The following ZNF888 variants were observed in gnomAD, a reference collection of about 807,000 sequenced individuals.
ZNF888 encodes CTD-2331H12.6.
ZNF888 carries 5 observed loss-of-function variants against 7.2 expected under a neutral mutation model. The observed-to-expected ratio is 0.70, with a 90% CI of 0.36 to 1.46. The LOEUF (loss-of-function observed/expected upper bound fraction) is 1.46, where lower values mean the gene tolerates loss of function less well. Ranked by LOEUF, ZNF888 falls within the 40% of genes most tolerant of loss-of-function variation. The pLI, the probability that ZNF888 is intolerant of heterozygous loss-of-function variation, is 0.03. For missense variants in ZNF888, 716 were observed against 858.0 expected (o/e 0.83, Z 2.07); for synonymous variants, 240 against 284.3 (o/e 0.84, Z 1.57).
intron 4 of ZNF888, among the ~76,000 whole-genome samples, chr19:52,910,564 A>C (rs1323148021): frequency 6.6e-6 from 1 of 152,202 alleles, no homozygotes; most frequent in African/African-American, 2.4e-5. Flanking sequence ...CTTGGAGAGA[A>C]TTTAGCCATG....
At chr19:52,919,929 C>T (rs1370131140) in intron 1 of ZNF888, among the ~76,000 whole-genome samples, 12 of 59,546 alleles carry the variant, frequency 2.0e-4, no homozygotes, top group South Asian at 5.0e-4. Context: ...CCGGCAGCCA[C>T]CCCGTCTGGG....
intron 4 of ZNF888, among the ~76,000 whole-genome samples, chr19:52,911,960 G>C (rs921604232): frequency 5.3e-5 from 8 of 151,406 alleles, no homozygotes; most frequent in African/African-American, 1.5e-4. Context: ...GGGACTACAG[G>C]CACCCGCCAC....
intron 4 of ZNF888, chr19:52,913,832 T>A: frequency 1.3e-6 from 1 of 764,468 alleles, no homozygotes; most frequent in Non-Finnish European, 1.6e-6. Flanking sequence ...CAAAACTATT[T>A]AAAATAATAA....
intron 2 of ZNF888, chr19:52,918,291 AC>A: frequency 1.4e-6 from 1 of 740,676 alleles, no homozygotes; most frequent in Non-Finnish European, 1.6e-6. Context: ...GAAGTTTGAG[AC>A]CAGCCTGGGC....
At chr19:52,917,960 A>C in intron 2 of ZNF888, 29 bp from the exon 3 acceptor site, 3 of 1,602,930 alleles carry the variant, frequency 1.9e-6, no homozygotes, top group Non-Finnish European at 2.5e-6. Flanking sequence ...AATGTTAGAA[A>C]TATGTTGTTT....
intron 3 of ZNF888, among the ~76,000 whole-genome samples, chr19:52,915,643 T>A (rs1266942619): frequency 1.3e-5 from 2 of 151,394 alleles, no homozygotes; most frequent in Non-Finnish European, 3.0e-5. Context: ...CCTGGCTAAT[T>A]TTTTTGTATT....
chr19:52,909,780 A>C (rs1232354927), intron 4 of ZNF888, among the ~76,000 whole-genome samples: 1 of 152,236 alleles, frequency 6.6e-6, no homozygotes, highest in Non-Finnish European at 1.5e-5. Context: ...TCTTACCACC[A>C]GTACACAACA....
rs1448570075 is a variant in ZNF888 at position 52,918,927 on chromosome 19, AGAGT to A, written c.-171_-168del. ...ACAGTGCACTCACAGCCTGGAGGAC[AGAGT>A]GAGACTCTGTTTGAAAAAAAAAAAA... On this transcript the variant is annotated 5_prime_UTR_variant, in exon 2 of 5. Coordinates refer to ENST00000638862, the MANE Select transcript of ZNF888 (RefSeq NM_001393938.1). The A allele has an allele frequency of 1.3e-5, 2 of 150,846 alleles. No homozygotes were observed. Among genetic ancestry groups the A allele is most frequent in the African/African-American group, 2.4e-5 (1 of 40,848 alleles). The allele number at this position is 150,846 out of a possible 1,614,324, so 9.3% of individuals were successfully genotyped here.
rs759592155 is a variant in ZNF888, at chr19:52,907,565, G to C, written c.757C>G (p.Gln253Glu). 1.7e-5 allele frequency: 28 copies of C among 1,609,254 alleles called. No individual in the cohort carries two copies. Among genetic ancestry groups the C allele is most frequent in the Non-Finnish European group, 2.2e-5 (26 of 1,177,996 alleles). ...KCDVCGKDFN[Q>E]KRYLAHHRRC... ...CGATGGTGTGCAAGGTATCGCTTCT[G>C]ATTAAAGTCTTTGCCACATACATCA... The change falls in exon 5 of 5, where the codon CAG becomes GAG. Residue 253 changes from glutamine to glutamate, a missense_variant. Gln to Glu is a conservative substitution (Grantham distance 29). Around this residue, in one of 2 missense-constraint regions of ZNF888, gnomAD observed 697 missense variants for 803.4 expected, o/e 0.87. Coordinates refer to ENST00000638862, the MANE Select transcript of ZNF888 (RefSeq NM_001393938.1).
intron 4 of ZNF888, among the ~76,000 whole-genome samples, chr19:52,911,904 C>T (rs1253385288): frequency 6.6e-6 from 1 of 151,686 alleles, no homozygotes; most frequent in Non-Finnish European, 1.5e-5. Context: ...GCAAGCTCTG[C>T]CTCTTGGGTT....
chr19:52,923,376 G>A lies in ZNF888; in HGVS notation c.-185C>T. On this transcript the variant is annotated 5_prime_UTR_variant, in exon 1 of 5. Transcript: ENST00000638862. Reference sequence around the variant, plus strand: ...ACACAGAGCAAAACTCACCGCCGCAGTGTGACTTCCAGTCCACGCGATCCG... The same window carrying A: ...ACACAGAGCAAAACTCACCGCCGCAATGTGACTTCCAGTCCACGCGATCCG... 1.0e-6 allele frequency: 1 copy of A among 985,832 alleles called. No individual in the cohort carries two copies. Among genetic ancestry groups the A allele is most frequent in the Non-Finnish European group, 1.2e-6 (1 of 830,026 alleles). The allele number at this position is 985,832 out of a possible 1,614,324, so 61.1% of individuals were successfully genotyped here.
intron 1 of ZNF888, 127 bp downstream of exon 1, chr19:52,923,242 T>TTGCTCTTGTTG: frequency 1.0e-6 from 1 of 957,670 alleles, no homozygotes; most frequent in African/African-American, 1.8e-5. Flanking sequence ...TAGGGGAATG[T>TTGCTCTTGTTG]CTCCATTTGC....
chr19:52,913,754 A>G, intron 4 of ZNF888: 1 of 984,430 alleles, frequency 1.0e-6, no homozygotes, highest in Non-Finnish European at 1.2e-6. Flanking sequence ...AATGGACACT[A>G]ACGTGGTTGT....
chr19:52,906,454 A>G lies in ZNF888; in HGVS notation c.1868T>C (p.Ile623Thr), dbSNP rs1161499573. 6.2e-7 allele frequency: 1 copy of G among 1,612,268 alleles called. No homozygotes were observed. The highest frequency in any genetic ancestry group is 1.3e-5 in the African/African-American group (1 of 74,604). The change falls in exon 5 of 5, where the codon ATA (isoleucine) becomes ACA (threonine). Residue 623 changes from isoleucine (I) to threonine (T), a missense_variant. Physicochemically the swap from Ile to Thr is moderately conservative, Grantham distance 89. Coordinates refer to ENST00000638862, the MANE Select transcript of ZNF888 (RefSeq NM_001393938.1). ...CTCTCCAGTATGAACTCTCCTATGTATTTCAAGGTGTGATTTGATATTGAA... is the reference window on the plus strand; with the variant it reads ...CTCTCCAGTATGAACTCTCCTATGTGTTTCAAGGTGTGATTTGATATTGAA... ...KVFNIKSHLE[I>T]HRRVHTGEKP...
Position 52,907,426 on chromosome 19 carries a change from T to C in ZNF888, c.896A>G (p.Lys299Arg). The C allele has an allele frequency of 6.2e-7, 1 of 1,611,752 alleles. No individual in the cohort carries two copies. Among genetic ancestry groups the C allele is most frequent in the Non-Finnish European group, 8.5e-7 (1 of 1,178,772 alleles). Reference sequence around the variant, plus strand: ...GAACGTCTTGCCACACTCATTACACTTGTAAGGTTTTTCTCCAGTATGACG... The same window carrying C: ...GAACGTCTTGCCACACTCATTACACCTGTAAGGTTTTTCTCCAGTATGACG... Reference protein sequence around the residue: ...YRRHTGEKPYKCNECGKTFSD... With the variant: ...YRRHTGEKPYRCNECGKTFSD... The change falls in exon 5 of 5, where the codon AAG becomes AGG. Residue 299 changes from lysine (K) to arginine (R), a missense_variant. Transcript: ENST00000638862.
rs992241009 is a variant in ZNF888, at chr19:52,905,466, C to T, written c.*699G>A. 1.6e-4 allele frequency: 26 copies of T among 164,066 alleles called. No individual in the cohort carries two copies. The South Asian group carries it at 1.7e-3, about 11-fold the overall frequency. The allele number at this position is 164,066 out of a possible 1,614,324, so 10.2% of individuals were successfully genotyped here. A position where few individuals can be genotyped will look rare whatever the true frequency, so the allele number is the denominator to read the frequency against. ...GATTAAAAAAAAAAAAAATCTGTAT[C>T]TGTTTTTGTTAAAGAAACAAAAAAC... On this transcript the variant is annotated 3_prime_UTR_variant, in exon 5 of 5. Coordinates refer to ENST00000638862, the MANE Select transcript of ZNF888 (RefSeq NM_001393938.1).
chr19:52,922,832 C>T (rs984576399), intron 1 of ZNF888, among the ~76,000 whole-genome samples: 33 of 152,236 alleles, frequency 2.2e-4, no homozygotes, highest in Admixed American at 9.2e-4. Flanking sequence ...GCCCCGGGTA[C>T]CTCCCCAACG....
chr19:52,908,419 C>T (rs1423537243), intron 4 of ZNF888, among the ~76,000 whole-genome samples: 1 of 152,130 alleles, frequency 6.6e-6, no homozygotes, highest in African/African-American at 2.4e-5. Flanking sequence ...AGGGCACAAA[C>T]ATGTGTAAGC....
chr19:52,914,967 A>G (rs2064727080), intron 4 of ZNF888, among the ~76,000 whole-genome samples: 1 of 152,166 alleles, frequency 6.6e-6, no homozygotes, highest in African/African-American at 2.4e-5. Flanking sequence ...AGCCTGCCAT[A>G]AAGTTTTATG....
Sources: allele counts gnomAD v4.1 joint callset (sites outside exome capture counted in the v4.1 genomes callset), GRCh38; gene constraint gnomAD v4.1.1; regional missense constraint gnomAD v4.1.1; transcripts MANE v1.5; gene names NCBI Gene and HGNC (gene_info 2026-07-23, HGNC 2026-07-21).